Variants in DOP1A observed in about 807,000 individuals in gnomAD.
The protein encoded by DOP1A is protein DOP1A.
DOP1A carries 90 observed loss-of-function variants against 267.6 expected under a neutral mutation model. The ratio of observed to expected loss-of-function variants is 0.34; its 90% CI spans 0.28 to 0.40. The LOEUF (loss-of-function observed/expected upper bound fraction) is 0.40, where lower values mean the gene tolerates loss of function less well. Among genes scored for constraint, DOP1A ranks in the 10% least tolerant of loss-of-function variants. DOP1A has a pLI of 1.00. For synonymous variants in DOP1A, 932 were observed against 999.1 expected, an observed-to-expected ratio of 0.93 and a Z score of 1.27; for missense variants, 2,437 against 2,900.4, an observed-to-expected ratio of 0.84 and a Z score of 3.67.
intron 27 of DOP1A, 53 bp downstream of exon 27, chr6:83,148,916 C>A: frequency 2.7e-6 from 3 of 1,123,488 alleles, no homozygotes; most frequent in Middle Eastern, 2.3e-4. Context: ...GTTAATTGTC[C>A]TAGTTGCCAA....
chr6:83,100,895 A>G lies in DOP1A; in HGVS notation c.320+9A>G. The G allele has an allele frequency of 6.8e-7, 1 of 1,461,038 alleles. No homozygotes were observed. The highest frequency in any genetic ancestry group is 9.2e-7 in the Non-Finnish European group (1 of 1,089,454). 90.5% of individuals were successfully genotyped at this position (1,461,038 alleles called of 1,614,324 possible). ...GATCTTTTTTTATATAGGTAAGAAT[A>G]ATTTTACTATATATATACAAATAAT... is the stretch of plus-strand genomic sequence containing the variant. On this transcript the variant is annotated intron_variant, in intron 4 of 38. Coordinates refer to ENST00000349129, the MANE Select transcript of DOP1A (RefSeq NM_015018.4).
Position 83,154,252 on chromosome 6 carries a change from C to A in DOP1A, c.6451+11C>A. ...TTAGAGATTTGATGAGTGAGTATTACGGGATGACAATCCAAGTTCTTTCCT... is the reference window on the plus strand; with the variant it reads ...TTAGAGATTTGATGAGTGAGTATTAAGGGATGACAATCCAAGTTCTTTCCT... On this transcript the variant is annotated intron_variant, in intron 33 of 38. Coordinates refer to ENST00000349129, the MANE Select transcript of DOP1A (RefSeq NM_015018.4). 1 of 1,610,506 alleles carries A rather than the reference C, an allele frequency of 6.2e-7. No individual in the cohort carries two copies. The highest frequency in any genetic ancestry group is 8.5e-7 in the Non-Finnish European group (1 of 1,177,458).
chr6:83,154,659 C>T (rs1409354743), intron 33 of DOP1A, among the ~76,000 whole-genome samples: 1 of 152,116 alleles, frequency 6.6e-6, no homozygotes, highest in Non-Finnish European at 1.5e-5. Flanking sequence ...AGACAAGTCA[C>T]TTTAAATCTC....
At chr6:83,133,316 A>G (rs1409094843) in intron 18 of DOP1A, among the ~76,000 whole-genome samples, 3 of 152,104 alleles carry the variant, frequency 2.0e-5, no homozygotes, top group Non-Finnish European at 2.9e-5. Flanking sequence ...CTAAATAAAG[A>G]TACACATCCA....
rs181508944 is a variant in DOP1A at position 83,162,151 on chromosome 6, G to A, written c.6963-639G>A. ...GCATAAACTCTCTGGACGGACTTAC[G>A]AAGCTGACAACATTGATGAATCCTA... On this transcript the variant is annotated intron_variant, in intron 37 of 38. Coordinates refer to ENST00000349129, the MANE Select transcript of DOP1A (RefSeq NM_015018.4). 1.6e-3 allele frequency among the ~76,000 whole-genome samples: 246 copies of A among 152,200 alleles called. 1 individual carries two copies. Among genetic ancestry groups the A allele is most frequent in the African/African-American group, 5.6e-3 (232 of 41,536 alleles).
intron 28 of DOP1A, 96 bp from the exon 29 acceptor site, chr6:83,151,787 T>C (rs1245940610): frequency 7.6e-6 from 11 of 1,443,338 alleles, no homozygotes; most frequent in Admixed American, 2.0e-5. Context: ...AACAAGTCTA[T>C]TGTAAAATAT....
At chr6:83,131,781 G>A (rs1285515932) in intron 17 of DOP1A, among the ~76,000 whole-genome samples, 1 of 151,990 alleles carries the variant, frequency 6.6e-6, no homozygotes, top group East Asian at 1.9e-4. Flanking sequence ...GATTACAGGT[G>A]CATGCCACCA....
At position 83,168,152 on chromosome 6, in the gene DOP1A, G is replaced by A. The variant is rs1786309890; in HGVS notation, c.7383G>A (p.Gly2461=). 2 of 1,612,082 alleles carry A rather than the reference G, an allele frequency of 1.2e-6. No individual in the cohort carries two copies. Among genetic ancestry groups the A allele is most frequent in the East Asian group, 2.2e-5 (1 of 44,852 alleles). ...EEMVEKDFLE[G]MIKT is the part of the protein sequence containing the mutation. ...TGGTAGAAAAAGATTTTCTGGAAGG[G>A]ATGATAAAAACTTGAGCACCATTGC... Residue 2461 remains glycine, a synonymous_variant, in exon 39 of 39, where the codon GGG becomes GGA. Transcript: ENST00000349129.
rs1486533232 is a variant in DOP1A at position 83,137,915 on chromosome 6, T to A, written c.3873T>A (p.Gly1291=). ...SEKETIVKES[G]KQPGAKPKVK... ...AGGAAACAATAGTTAAGGAGTCAGG[T>A]AAACAACCAGGAGCAAAACCTAAAG... The change falls in exon 21 of 39, where the codon GGT becomes GGA. Residue 1291 remains glycine (G), a synonymous_variant. Coordinates refer to ENST00000349129, the MANE Select transcript of DOP1A (RefSeq NM_015018.4). The A allele has an allele frequency of 1.2e-6, 2 of 1,610,126 alleles. No individual in the cohort carries two copies. The highest frequency in any genetic ancestry group is 1.7e-6 in the Non-Finnish European group (2 of 1,178,848).
chr6:83,105,713 A>G (rs963955712), intron 4 of DOP1A, among the ~76,000 whole-genome samples: 2 of 152,118 alleles, frequency 1.3e-5, no homozygotes, highest in African/African-American at 4.8e-5. Flanking sequence ...GGTATTTTTG[A>G]TAGTAATAAA....
Position 83,141,926 on chromosome 6 carries a change from G to C in DOP1A, c.5421G>C (p.Leu1807Phe), listed in dbSNP as rs1209767288. Reference sequence around the variant, plus strand: ...TTTGCTTCAAATTGTTTTAGAACTTGAGACAACAGATTCTTGAATTGTTGG... The same window carrying C: ...TTTGCTTCAAATTGTTTTAGAACTTCAGACAACAGATTCTTGAATTGTTGG... ...TTINLGATKN[L>F]RQQILELLGP... The change falls in exon 24 of 39, where the codon TTG becomes TTC. Residue 1807 changes from leucine (L) to phenylalanine (F), a missense_variant. Coordinates refer to ENST00000349129, the MANE Select transcript of DOP1A (RefSeq NM_015018.4). 6.3e-7 allele frequency: 1 copy of C among 1,594,068 alleles called. No individual in the cohort carries two copies.
At chr6:83,128,806 C>A in intron 15 of DOP1A, 81 bp from the exon 16 acceptor site, 1 of 1,458,926 alleles carries the variant, frequency 6.9e-7, no homozygotes, top group Non-Finnish European at 9.1e-7. Flanking sequence ...TAGTCTAAAA[C>A]ATCTCAAAAG....
chr6:83,142,060 C>T lies in DOP1A; in HGVS notation c.5541+14C>T. 2 of 1,606,908 alleles carry T rather than the reference C, an allele frequency of 1.2e-6. No homozygotes were observed. The highest frequency in any genetic ancestry group is 1.7e-6 in the Non-Finnish European group (2 of 1,178,046). On this transcript the variant is annotated intron_variant, in intron 24 of 38. Coordinates refer to ENST00000349129, the MANE Select transcript of DOP1A (RefSeq NM_015018.4). ...ACCAGGACCAAGGTATGTATTTAGA[C>T]ATTTGGCACTTTTTGTTTTTGCATT...
Position 83,158,616 on chromosome 6 carries a change from T to C in DOP1A, c.6791T>C (p.Ile2264Thr). The part of the protein sequence containing the change: ...MEQELTADED[I>T]SRTSGPSVAG... ...CAGGAACTCACTGCTGATGAAGATA[T>C]TTCACGGTAATATGTAATTTAAATA... The change falls in exon 36 of 39, where the codon ATT (isoleucine) becomes ACT (threonine). Residue 2264 changes from isoleucine to threonine, a missense_variant. Coordinates refer to ENST00000349129, the MANE Select transcript of DOP1A (RefSeq NM_015018.4). The C allele has an allele frequency of 6.2e-7, 1 of 1,603,656 alleles. No individual in the cohort carries two copies. Among genetic ancestry groups the C allele is most frequent in the Non-Finnish European group, 8.5e-7 (1 of 1,172,838 alleles).
chr6:83,158,223 G>C (rs1321033073), intron 35 of DOP1A, among the ~76,000 whole-genome samples: 2 of 151,944 alleles, frequency 1.3e-5, no homozygotes, highest in South Asian at 2.1e-4. Flanking sequence ...GGATGGTCTC[G>C]ATCTCCTGAC....
chr6:83,099,018 CAG>C (rs758010976), intron 3 of DOP1A, among the ~76,000 whole-genome samples: 1 of 151,860 alleles, frequency 6.6e-6, no homozygotes, highest in African/African-American at 2.4e-5. Context: ...AGCTCCGAGA[CAG>C]GGGAAGATTC....
chr6:83,156,799 GAT>G (rs1369100329), intron 34 of DOP1A, among the ~76,000 whole-genome samples: 1 of 152,174 alleles, frequency 6.6e-6, no homozygotes, highest in Admixed American at 6.5e-5. Context: ...CCTAATTTCA[GAT>G]ATGCAAAATG....
intron 1 of DOP1A, among the ~76,000 whole-genome samples, chr6:83,068,963 A>C (rs1785159838): frequency 6.6e-6 from 1 of 152,238 alleles, no homozygotes; most frequent in Non-Finnish European, 1.5e-5. Context: ...AGGAACTAAA[A>C]ACACCTGATT....
At chr6:83,154,304 T>A (rs1288548182) in intron 33 of DOP1A, 63 bp downstream of exon 33, 3 of 1,455,630 alleles carry the variant, frequency 2.1e-6, no homozygotes. Context: ...TACTATTTAC[T>A]TGTACTCTTT....
Sources: allele counts gnomAD v4.1 joint callset (sites outside exome capture counted in the v4.1 genomes callset), GRCh38; gene constraint gnomAD v4.1.1; transcripts MANE v1.5; gene names NCBI Gene and HGNC (gene_info 2026-07-23, HGNC 2026-07-21).